Variants in RPS6KA6 observed in about 807,000 individuals in gnomAD.
RPS6KA6 encodes the protein ribosomal protein S6 kinase A6, also known as ribosomal protein S6 kinase alpha-6.
In RPS6KA6, 27 loss-of-function variants were observed where a neutral mutation model predicts 65.4. The observed-to-expected ratio is 0.41, with a 90% CI of 0.30 to 0.57. The LOEUF (loss-of-function observed/expected upper bound fraction) is 0.57, where lower values mean the gene tolerates loss of function less well. RPS6KA6 is among the 20% of genes least tolerant of loss of function. The pLI is 0.24. For synonymous variants in RPS6KA6, 190 were observed against 184.2 expected (o/e 1.03, Z -0.26); for missense variants, 486 against 555.6 (o/e 0.87, Z 1.26).
At chrX:84,092,138 C>T (rs1160101847) in intron 20 of RPS6KA6, among the ~76,000 whole-genome samples, 1 of 110,908 alleles carries the variant, frequency 9.0e-6, no homozygotes, top group Non-Finnish European at 1.9e-5. Context: ...ACCACCATGG[C>T]ACACGTTTAC....
At chrX:84,183,041 G>A (rs2035880523) in intron 1 of RPS6KA6, among the ~76,000 whole-genome samples, 1 of 112,138 alleles carries the variant, frequency 8.9e-6, no homozygotes, top group African/African-American at 3.2e-5. Flanking sequence ...AGCACGATCA[G>A]AAACCTTCAG....
chrX:84,120,334 A>T (rs774627401), intron 8 of RPS6KA6, among the ~76,000 whole-genome samples: 2 of 111,635 alleles, frequency 1.8e-5, no homozygotes, highest in Non-Finnish European at 3.8e-5. Context: ...TATTGATCTA[A>T]GTTTTAAAAT....
chrX:84,171,662 A>T (rs1022591856), intron 1 of RPS6KA6, among the ~76,000 whole-genome samples: 10 of 111,520 alleles, frequency 9.0e-5, no homozygotes, highest in African/African-American at 3.3e-4. Flanking sequence ...AGAGAACGTA[A>T]TTCCTTTTTT....
chrX:84,105,865 T>G lies in RPS6KA6; in HGVS notation c.1377A>C (p.Lys459Asn). The G allele has an allele frequency of 2.6e-6, 3 of 1,134,281 alleles. No homozygotes were observed. The highest frequency in any genetic ancestry group is 3.6e-6 in the Non-Finnish European group (3 of 833,464). 93.5% of individuals were successfully genotyped at this position (1,134,281 alleles called of 1,213,427 possible). A position where few individuals can be genotyped will look rare whatever the true frequency, so the allele number is the denominator to read the frequency against. The change falls in exon 16 of 22, where the codon AAA becomes AAC. Residue 459 changes from lysine (K) to asparagine (N), a missense_variant. This residue lies in a region of RPS6KA6 where 345 missense variants were observed against 375.0 expected (regional missense o/e 0.92). Transcript: ENST00000262752. ...NMEFAVKIID[K>N]SKRDPSEEIE... ...TCTCTTCTGAAGGGTCTCGCTTACT[T>G]TTGTCAATGATCTAAGAAATACGAA... is the stretch of plus-strand genomic sequence containing the variant.
intron 20 of RPS6KA6, among the ~76,000 whole-genome samples, chrX:84,076,646 T>C: frequency 9.0e-6 from 1 of 111,475 alleles, no homozygotes; most frequent in Non-Finnish European, 1.9e-5. Context: ...AATGGAACTT[T>C]TACCTAATTA....
intron 1 of RPS6KA6, among the ~76,000 whole-genome samples, chrX:84,172,556 G>A (rs1219583648): frequency 8.9e-6 from 1 of 112,054 alleles, no homozygotes; most frequent in Non-Finnish European, 1.9e-5. Flanking sequence ...AAGCAGTATA[G>A]CAATTCCTTA....
At chrX:84,070,476 G>A (rs2033517574) in intron 20 of RPS6KA6, among the ~76,000 whole-genome samples, 1 of 110,487 alleles carries the variant, frequency 9.1e-6, no homozygotes, top group African/African-American at 3.3e-5. Flanking sequence ...CGGGTTGCTA[G>A]GTGCAGCAAA....
At chrX:84,151,113 A>G (rs2035309631) in intron 3 of RPS6KA6, among the ~76,000 whole-genome samples, 2 of 99,092 alleles carry the variant, frequency 2.0e-5, no homozygotes, top group African/African-American at 7.3e-5. Context: ...ATATATAGAT[A>G]TATATAGGAT....
At chrX:84,173,767 C>T (rs1172195902) in intron 1 of RPS6KA6, among the ~76,000 whole-genome samples, 1 of 111,720 alleles carries the variant, frequency 9.0e-6, no homozygotes. Flanking sequence ...CTCAAATAAT[C>T]CTCCTGCCCC....
Position 84,127,621 on chromosome X carries a change from A to T in RPS6KA6, c.646+7161T>A, listed in dbSNP as rs2034820292. Among the ~76,000 whole-genome samples, 3 of 111,274 alleles carry T rather than the reference A, an allele frequency of 2.7e-5. No homozygotes were observed. The South Asian group carries it at 1.1e-3, about 42-fold the overall frequency. ...TACATTAAAAAGACTGTTCATCATG[A>T]CCAAGTGAGATTTGTCCCAGGTATG... is the stretch of plus-strand genomic sequence containing the variant. On this transcript the variant is annotated intron_variant, in intron 8 of 21. Coordinates refer to ENST00000262752, the MANE Select transcript of RPS6KA6 (RefSeq NM_014496.5).
intron 17 of RPS6KA6, among the ~76,000 whole-genome samples, chrX:84,102,400 T>A (rs1190413407): frequency 9.0e-6 from 1 of 110,891 alleles, no homozygotes; most frequent in Non-Finnish European, 1.9e-5. Flanking sequence ...ATGTTCCAGT[T>A]TCTATTGTCT....
At chrX:84,078,583 G>T (rs1305514548) in intron 20 of RPS6KA6, among the ~76,000 whole-genome samples, 1 of 112,020 alleles carries the variant, frequency 8.9e-6, no homozygotes, top group Admixed American at 9.5e-5. Flanking sequence ...TCCATAAAAA[G>T]AAATATTATC....
At chrX:84,081,749 G>A (rs1472554500) in intron 20 of RPS6KA6, among the ~76,000 whole-genome samples, 1 of 111,560 alleles carries the variant, frequency 9.0e-6, no homozygotes, top group Non-Finnish European at 1.9e-5. Flanking sequence ...TATCCACCAC[G>A]AAAAAGACAG....
rs189386491 is a variant in RPS6KA6, at chrX:84,121,135, A to C, written c.647-1108T>G. Among the ~76,000 whole-genome samples the C allele has an allele frequency of 8.0e-5, 9 of 112,549 alleles. No homozygotes were observed. In the East Asian group the frequency reaches 2.2e-3, roughly 28 times the overall value. The stretch of plus-strand genomic sequence containing the variant: ...GCTTATCAGTGATTTTGTCTGCAGG[A>C]AGCGTTACATGAGCACAGAAAACTG... On this transcript the variant is annotated intron_variant, in intron 8 of 21. Coordinates refer to ENST00000262752, the MANE Select transcript of RPS6KA6 (RefSeq NM_014496.5).
chrX:84,101,679 C>T (rs778160290), intron 18 of RPS6KA6, among the ~76,000 whole-genome samples: 1 of 110,489 alleles, frequency 9.1e-6, no homozygotes, highest in East Asian at 2.8e-4. Context: ...AATGCTGGGT[C>T]TTGAATAAGT....
Position 84,060,460 on chromosome X carries a change from A to G in RPS6KA6, c.*3817T>C, listed in dbSNP as rs1437058932. On this transcript the variant is annotated 3_prime_UTR_variant, in exon 22 of 22. Coordinates refer to ENST00000262752, the MANE Select transcript of RPS6KA6 (RefSeq NM_014496.5). Reference sequence around the variant, plus strand: ...TCTCTCTGTGCTTTTTTTTTTCTTTATAACAGGAATGGGATGGGGGGTGGG... The same window carrying G: ...TCTCTCTGTGCTTTTTTTTTTCTTTGTAACAGGAATGGGATGGGGGGTGGG... 3 of 94,147 alleles carry G rather than the reference A, an allele frequency of 3.2e-5. No individual in the cohort carries two copies. Among genetic ancestry groups the G allele is most frequent in the African/African-American group, 1.2e-4 (3 of 25,227 alleles). The allele number at this position is 94,147 out of a possible 1,213,427, so 7.8% of individuals were successfully genotyped here.
rs2034458605 is a variant in RPS6KA6 at position 84,110,990 on chromosome X, A to AT, written c.1009-3266_1009-3265insA. 7.8e-5 allele frequency among the ~76,000 whole-genome samples: 8 copies of AT among 102,515 alleles called. No individual in the cohort carries two copies. The Admixed American group carries it at 8.4e-4, about 11-fold the overall frequency. 89.0% of individuals were successfully genotyped at this position (102,515 alleles called of 115,157 possible). ...ACAATTCAGGAGATAAAAGATAAATAAATATATATATATATATATATTTAA... is the reference window on the plus strand; with the variant it reads ...ACAATTCAGGAGATAAAAGATAAATATAATATATATATATATATATATTTAA... On this transcript the variant is annotated intron_variant, in intron 12 of 21. Transcript: ENST00000262752.
chrX:84,101,521 A>G (rs1044852287), intron 18 of RPS6KA6, among the ~76,000 whole-genome samples: 7 of 110,661 alleles, frequency 6.3e-5, no homozygotes, highest in African/African-American at 2.3e-4. Context: ...CTGTGTGGCT[A>G]TTTTCTCCGG....
At chrX:84,130,350 A>G (rs2034874711) in intron 8 of RPS6KA6, among the ~76,000 whole-genome samples, 1 of 111,709 alleles carries the variant, frequency 9.0e-6, no homozygotes, top group Non-Finnish European at 1.9e-5. Context: ...AATAAAAAAT[A>G]CTAACAATAC....
Sources: allele counts gnomAD v4.1 joint callset (sites outside exome capture counted in the v4.1 genomes callset), GRCh38; gene constraint gnomAD v4.1.1; regional missense constraint gnomAD v4.1.1; transcripts MANE v1.5; gene names NCBI Gene and HGNC (gene_info 2026-07-23, HGNC 2026-07-21).